The following STRN variants were observed in gnomAD, a reference collection of about 807,000 sequenced individuals.
The protein encoded by STRN is protein phosphatase 2 regulatory subunit B'''alpha.
STRN carries 53 observed loss-of-function variants against 96.3 expected under a neutral mutation model. The ratio of observed to expected loss-of-function variants is 0.55; its 90% CI spans 0.44 to 0.69. The LOEUF is 0.69. Ranked by LOEUF, STRN falls within the 30% of genes least tolerant of loss-of-function variation. STRN has a pLI of 0.00. For missense variants in STRN, 987 were observed against 963.9 expected (o/e 1.02, Z -0.32); for synonymous variants, 428 against 355.9 (o/e 1.20, Z -2.28).
At chr2:36,940,247 A>G (rs1670811579) in intron 1 of STRN, among the ~76,000 whole-genome samples, 3 of 152,188 alleles carry the variant, frequency 2.0e-5, no homozygotes. Flanking sequence ...GAAGAAATAT[A>G]AGAGAAATAA....
At chr2:36,904,734 A>G (rs530058921) in intron 4 of STRN, among the ~76,000 whole-genome samples, 1 of 152,292 alleles carries the variant, frequency 6.6e-6, no homozygotes, top group East Asian at 1.9e-4. Context: ...AGGCTGACGC[A>G]AGAGAATCAC....
chr2:36,894,153 T>C (rs1157998105), intron 6 of STRN, 120 bp from the exon 7 acceptor site: 1 of 1,117,848 alleles, frequency 8.9e-7, no homozygotes, highest in Non-Finnish European at 1.2e-6. Flanking sequence ...CTGTACTACC[T>C]AACTCAGTGA....
intron 1 of STRN, among the ~76,000 whole-genome samples, chr2:36,934,060 G>C (rs1670641497): frequency 6.6e-6 from 1 of 152,106 alleles, no homozygotes; most frequent in Non-Finnish European, 1.5e-5. Context: ...AGTGAGCAGA[G>C]ATCACGCCAC....
chr2:36,872,398 C>A (rs1466773444), intron 10 of STRN, among the ~76,000 whole-genome samples: 1 of 152,182 alleles, frequency 6.6e-6, no homozygotes, highest in African/African-American at 2.4e-5. Flanking sequence ...ATCCACCCTA[C>A]AAGTCAAGTC....
chr2:36,855,863 G>C (rs926352876), intron 14 of STRN, among the ~76,000 whole-genome samples: 3 of 152,086 alleles, frequency 2.0e-5, no homozygotes, highest in African/African-American at 7.2e-5. Context: ...CAAGAATACA[G>C]AAGGTATTTT....
At position 36,966,510 on chromosome 2, in the gene STRN, G is replaced by C; in HGVS notation, c.-47C>G. 2 of 1,315,172 alleles carry C rather than the reference G, an allele frequency of 1.5e-6. No homozygotes were observed. The highest frequency in any genetic ancestry group is 3.1e-5 in the East Asian group (1 of 31,792). 81.5% of individuals were successfully genotyped at this position (1,315,172 alleles called of 1,614,324 possible). On this transcript the variant is annotated 5_prime_UTR_variant, in exon 1 of 18. Transcript: ENST00000263918. ...AGCTGCCCCGGCGCCCAGCAGCGGA[G>C]GCAACAGCGGCGGCAAGCAGCGCCT...
chr2:36,843,533 C>T lies in STRN; in HGVS notation c.*5923G>A, dbSNP rs1667996364. 6.6e-6 allele frequency: 1 copy of T among 152,096 alleles called. No homozygotes were observed. Among genetic ancestry groups the T allele is most frequent in the South Asian group, 2.1e-4 (1 of 4,824 alleles). 9.4% of individuals were successfully genotyped at this position (152,096 alleles called of 1,614,324 possible). Reference sequence around the variant, plus strand: ...TCTCTGAAAGTACCACTGACCCAATCCTAGAAGCTATTTTAATTTGGCTTT... The same window carrying T: ...TCTCTGAAAGTACCACTGACCCAATTCTAGAAGCTATTTTAATTTGGCTTT... On this transcript the variant is annotated 3_prime_UTR_variant, in exon 18 of 18. Coordinates refer to ENST00000263918, the MANE Select transcript of STRN (RefSeq NM_003162.4).
Position 36,857,986 on chromosome 2 carries a change from C to G in STRN, c.1707G>C (p.Thr569=), listed in dbSNP as rs200352248. ...TATAAGCCAAACCCCAGACTGCATC[C>G]GTGTGGCCTAGCAGAGGGCCTCGTA... The part of the protein sequence containing the change: ...SVLRGPLLGH[T]DAVWGLAYSA... The change falls in exon 14 of 18, where the codon ACG becomes ACC. Residue 569 remains threonine, a synonymous_variant. Transcript: ENST00000263918. The G allele has an allele frequency of 6.2e-7, 1 of 1,611,626 alleles. No homozygotes were observed. The highest frequency in any genetic ancestry group is 1.3e-5 in the African/African-American group (1 of 74,842).
At chr2:36,865,692 G>C (rs1038622602) in intron 12 of STRN, among the ~76,000 whole-genome samples, 1 of 152,066 alleles carries the variant, frequency 6.6e-6, no homozygotes. Flanking sequence ...CTCCTGAGTA[G>C]CTGGGATTAC....
intron 2 of STRN, among the ~76,000 whole-genome samples, chr2:36,922,049 G>C (rs994526130): frequency 6.6e-6 from 1 of 152,038 alleles, no homozygotes; most frequent in African/African-American, 2.4e-5. Flanking sequence ...CTTGCTCTTA[G>C]GAAATATACA....
intron 7 of STRN, among the ~76,000 whole-genome samples, chr2:36,888,842 G>A (rs149441523): frequency 3.3e-5 from 5 of 151,900 alleles, no homozygotes; most frequent in South Asian, 4.2e-4. Context: ...CACCATGCCC[G>A]GCTAATTTTT....
chr2:36,866,345 G>A (rs570719969), intron 12 of STRN, among the ~76,000 whole-genome samples: 3 of 152,300 alleles, frequency 2.0e-5, no homozygotes, highest in South Asian at 2.1e-4. Context: ...GGGATTACAA[G>A]CATGAGCCCC....
chr2:36,868,132 A>G (rs1437991954), intron 11 of STRN, among the ~76,000 whole-genome samples: 3 of 152,180 alleles, frequency 2.0e-5, no homozygotes, highest in Admixed American at 2.0e-4. Context: ...TCAAGAGAAA[A>G]AGCATGAGCT....
At chr2:36,907,371 A>G (rs1419816000) in intron 3 of STRN, among the ~76,000 whole-genome samples, 1 of 152,130 alleles carries the variant, frequency 6.6e-6, no homozygotes, top group Non-Finnish European at 1.5e-5. Flanking sequence ...AACGCGGTGA[A>G]ATCCTGTCTC....
chr2:36,916,148 G>C lies in STRN; in HGVS notation c.342C>G (p.Ala114=), dbSNP rs1324735097. The C allele has an allele frequency of 6.2e-7, 1 of 1,612,520 alleles. No homozygotes were observed. Among genetic ancestry groups the C allele is most frequent in the Admixed American group, 1.7e-5 (1 of 59,946 alleles). The change falls in exon 3 of 18, where the codon GCC becomes GCG. Residue 114 remains alanine (A), a synonymous_variant. Coordinates refer to ENST00000263918, the MANE Select transcript of STRN (RefSeq NM_003162.4). ...MLEYALKQER[A]KYHKLKYGTE... ...TCCCGTATTTCAACTTGTGGTATTT[G>C]GCTCTAACAAAGAAATGAGAAAATA...
chr2:36,849,785 G>C lies in STRN; in HGVS notation c.2102C>G (p.Ser701Trp). ...YDNNTGKLIH[S>W]MVAHLEAVTS... ...AACAGCTTCTAGGTGGGCTACCATCGAGTGGATCAGTTTGCCTTTGGAAAA... is the reference window on the plus strand; with the variant it reads ...AACAGCTTCTAGGTGGGCTACCATCCAGTGGATCAGTTTGCCTTTGGAAAA... Residue 701 changes from serine to tryptophan, a missense_variant, in exon 17 of 18, where the codon TCG (serine) becomes TGG (tryptophan). Transcript: ENST00000263918. 6.2e-7 allele frequency: 1 copy of C among 1,614,068 alleles called. No individual in the cohort carries two copies. Among genetic ancestry groups the C allele is most frequent in the Non-Finnish European group, 8.5e-7 (1 of 1,179,968 alleles).
Position 36,838,336 on chromosome 2 carries a change from C to T in STRN, c.*11120G>A, listed in dbSNP as rs1243537939. Among the ~76,000 whole-genome samples, 1 of 152,180 alleles carries T rather than the reference C, an allele frequency of 6.6e-6. No individual in the cohort carries two copies. Among genetic ancestry groups the T allele is most frequent in the Admixed American group, 6.5e-5 (1 of 15,278 alleles). ...GAGTACCCACCCTGGAAGACACTTT[C>T]ATTTCAGCCTTGTTGGGCCTTGAAC... is the stretch of plus-strand genomic sequence containing the variant. On this transcript the variant is annotated 3_prime_UTR_variant, in exon 18 of 18. Coordinates refer to ENST00000263918, the MANE Select transcript of STRN (RefSeq NM_003162.4).
chr2:36,937,246 AGG>A (rs1670724538), intron 1 of STRN, among the ~76,000 whole-genome samples: 3 of 151,284 alleles, frequency 2.0e-5, no homozygotes, highest in African/African-American at 7.3e-5. Context: ...TGGGAAGCTG[AGG>A]CAGGAGAATC....
intron 1 of STRN, among the ~76,000 whole-genome samples, chr2:36,957,347 G>C (rs1664913299): frequency 2.6e-5 from 4 of 152,194 alleles, no homozygotes; most frequent in Admixed American, 2.6e-4. Context: ...CAGCACTTTG[G>C]GAGGCGGAGG....
Sources: gnomAD v4.1 joint callset for allele counts (sites outside exome capture counted in the v4.1 genomes callset) on GRCh38, gnomAD v4.1.1 for gene constraint, MANE v1.5 for transcripts, NCBI Gene and HGNC (gene_info 2026-07-23, HGNC 2026-07-21) for gene names.